The following PPP4R3A variants were observed in gnomAD, a reference collection of about 807,000 sequenced individuals.
PPP4R3A encodes protein phosphatase 4 regulatory subunit 3A.
A neutral mutation model predicts 91.7 loss-of-function variants in PPP4R3A; 15 were observed. The ratio of observed to expected loss-of-function variants is 0.16; its 90% CI spans 0.11 to 0.25. PPP4R3A has a LOEUF of 0.25. Ranked by LOEUF, PPP4R3A falls within the 10% of genes least tolerant of loss-of-function variation. The probability of loss-of-function intolerance (pLI) is 1.00; values close to 1 mark genes in which losing one functional copy is unlikely to be tolerated. For missense variants in PPP4R3A, 623 were observed against 998.4 expected (o/e 0.62, Z 5.07); for synonymous variants, 377 against 348.7 (o/e 1.08, Z -0.91).
At chr14:91,471,630 G>A (rs1888839937) in intron 9 of PPP4R3A, among the ~76,000 whole-genome samples, 1 of 152,140 alleles carries the variant, frequency 6.6e-6, no homozygotes, top group Non-Finnish European at 1.5e-5. Context: ...CATGTGGTTT[G>A]GAAAGAAGCC....
intron 13 of PPP4R3A, 62 bp from the exon 14 acceptor site, chr14:91,461,669 G>GTGTTTT: frequency 6.7e-7 from 1 of 1,500,958 alleles, no homozygotes; most frequent in Non-Finnish European, 9.2e-7. Context: ...TTCCCCAAAT[G>GTGTTTT]AGGTAACACT....
chr14:91,488,866 GATAT>G (rs932933134), intron 2 of PPP4R3A, among the ~76,000 whole-genome samples: 5 of 149,828 alleles, frequency 3.3e-5, no homozygotes, highest in Admixed American at 3.3e-4. Flanking sequence ...GGATGGGAAA[GATAT>G]ATACTGTTAT....
At chr14:91,495,930 AC>A (rs1890536400) in intron 1 of PPP4R3A, among the ~76,000 whole-genome samples, 1 of 37,480 alleles carries the variant, frequency 2.7e-5, no homozygotes, top group Non-Finnish European at 4.6e-5. Flanking sequence ...AAAAAACAAA[AC>A]AAAACACACA....
chr14:91,458,936 G>A (rs181510497), intron 14 of PPP4R3A, 67 bp from the exon 15 acceptor site: 76 of 1,489,126 alleles, frequency 5.1e-5, no homozygotes, highest in Admixed American at 9.4e-5. Context: ...GTGTTTTCTG[G>A]CTGGAGAAAG....
chr14:91,494,666 C>G (rs755484869), intron 1 of PPP4R3A, among the ~76,000 whole-genome samples: 2 of 152,108 alleles, frequency 1.3e-5, no homozygotes, highest in Non-Finnish European at 2.9e-5. Flanking sequence ...AGTTCGAGAC[C>G]AGCCTGGCCA....
At chr14:91,507,413 C>CTACATAGTA (rs1891405332) in intron 1 of PPP4R3A, among the ~76,000 whole-genome samples, 3 of 95,118 alleles carry the variant, frequency 3.2e-5, no homozygotes, top group Non-Finnish European at 6.8e-5. Flanking sequence ...ATTATATATA[C>CTACATAGTA]TATATAATAT....
intron 3 of PPP4R3A, 44 bp from the exon 4 acceptor site, chr14:91,482,237 A>G (rs1889611379): frequency 6.5e-7 from 1 of 1,531,424 alleles, no homozygotes. Context: ...ATAACAGGTG[A>G]CCAGCAAACC....
At chr14:91,508,435 T>A (rs917474578) in intron 1 of PPP4R3A, among the ~76,000 whole-genome samples, 1 of 152,084 alleles carries the variant, frequency 6.6e-6, no homozygotes, top group Non-Finnish European at 1.5e-5. Context: ...AGATACAGAA[T>A]CGCTACAATC....
At chr14:91,490,066 A>G (rs1379090543) in intron 2 of PPP4R3A, among the ~76,000 whole-genome samples, 1 of 152,326 alleles carries the variant, frequency 6.6e-6, no homozygotes, top group East Asian at 1.9e-4. Flanking sequence ...TCTTCTGGGC[A>G]ATGAGGGAAC....
At chr14:91,466,512 A>G in intron 10 of PPP4R3A, 1 of 832,538 alleles carries the variant, frequency 1.2e-6, no homozygotes, top group Non-Finnish European at 1.4e-6. Context: ...ACAGTTGATT[A>G]TTAACTGCCT....
chr14:91,462,966 A>G, intron 11 of PPP4R3A, 89 bp from the exon 12 acceptor site: 1 of 1,022,832 alleles, frequency 9.8e-7, no homozygotes, highest in Non-Finnish European at 1.4e-6. Flanking sequence ...ACCCACCAAA[A>G]ATAGCTTAAT....
chr14:91,470,701 G>C, intron 10 of PPP4R3A, 136 bp downstream of exon 10: 1 of 944,778 alleles, frequency 1.1e-6, no homozygotes. Flanking sequence ...TGGCAAACCT[G>C]CATAATCAGT....
In PPP4R3A at chr14:91,509,663, C is replaced by CCGGG. The variant is rs1891655418; in HGVS notation, c.-20_-17dup. 6.3e-7 allele frequency: 1 copy of CCGGG among 1,587,056 alleles called. No individual in the cohort carries two copies. Among genetic ancestry groups the CCGGG allele is most frequent in the South Asian group, 1.1e-5 (1 of 89,890 alleles). ...TGTCGGTCATCGTGCCGCCCGGGAA[C>CCGGG]CGGGGCGGGGGCCCCGCCAGTAGAC... On this transcript the variant is annotated 5_prime_UTR_variant, in exon 1 of 15. Transcript: ENST00000554943.
At chr14:91,500,820 G>A (rs528376977) in intron 1 of PPP4R3A, among the ~76,000 whole-genome samples, 1 of 152,218 alleles carries the variant, frequency 6.6e-6, no homozygotes, top group South Asian at 2.1e-4. Flanking sequence ...CCAAGAATTG[G>A]AGACCAGCTC....
chr14:91,476,915 C>T lies in PPP4R3A; in HGVS notation c.987G>A (p.Gln329=), dbSNP rs777700722. The T allele has an allele frequency of 6.9e-6, 11 of 1,593,120 alleles. No homozygotes were observed. In the Admixed American group the frequency reaches 1.2e-4, roughly 18 times the overall value. The change falls in exon 5 of 15, where the codon CAG becomes CAA. Residue 329 remains glutamine (Q), a synonymous_variant. Coordinates refer to ENST00000554943, the MANE Select transcript of PPP4R3A (RefSeq NM_001366432.2). The stretch of plus-strand genomic sequence containing the variant: ...ATAGTATCTAATTTCTTACCAATTC[C>T]TGTCTTTTTTCCTCATCTGTTGCTT... ...TDEATDEEKR[Q]ELVNFLKEFC... is the part of the protein sequence containing the mutation.
chr14:91,498,443 AT>A (rs929603238), intron 1 of PPP4R3A, among the ~76,000 whole-genome samples: 25 of 152,210 alleles, frequency 1.6e-4, no homozygotes, highest in African/African-American at 5.1e-4. Context: ...TTTTTAAGTG[AT>A]TTTTTTCCTA....
At chr14:91,468,143 G>A (rs1888591407) in intron 10 of PPP4R3A, among the ~76,000 whole-genome samples, 2 of 152,114 alleles carry the variant, frequency 1.3e-5, no homozygotes, top group East Asian at 1.9e-4. Flanking sequence ...AAAGAGTTAG[G>A]TTTAATGATA....
intron 1 of PPP4R3A, among the ~76,000 whole-genome samples, chr14:91,496,578 T>C (rs1301836182): frequency 6.6e-6 from 1 of 152,196 alleles, no homozygotes; most frequent in Non-Finnish European, 1.5e-5. Flanking sequence ...TTTGACGTAC[T>C]CCCTTCCAAA....
intron 1 of PPP4R3A, among the ~76,000 whole-genome samples, chr14:91,496,536 G>T (rs1015202990): frequency 7.6e-4 from 115 of 152,182 alleles, no homozygotes; most frequent in Middle Eastern, 3.4e-3. Flanking sequence ...GTGTTTACAG[G>T]ATCAGGATAA....
Sources: gnomAD v4.1 joint callset for allele counts (sites outside exome capture counted in the v4.1 genomes callset) on GRCh38, gnomAD v4.1.1 for gene constraint, MANE v1.5 for transcripts, NCBI Gene and HGNC (gene_info 2026-07-23, HGNC 2026-07-21) for gene names.